Variants in RAB3GAP2 observed in about 807,000 individuals in gnomAD.
RAB3GAP2 encodes the protein RAB3 GTPase activating non-catalytic protein subunit 2.
In RAB3GAP2, 87 loss-of-function variants were observed where a neutral mutation model predicts 185.3. That is an observed-to-expected ratio of 0.47 (90% CI 0.39 to 0.56). The LOEUF (loss-of-function observed/expected upper bound fraction) is 0.56, where lower values mean the gene tolerates loss of function less well. Among genes scored for constraint, RAB3GAP2 ranks in the 20% least tolerant of loss-of-function variants. RAB3GAP2 has a pLI of 0.00. For missense variants in RAB3GAP2, 1,492 were observed against 1,638.2 expected (o/e 0.91, Z 1.54); for synonymous variants, 554 against 576.1 (o/e 0.96, Z 0.55).
chr1:220,151,328 GTAAAA>G lies in RAB3GAP2; in HGVS notation c.4100_4104del (p.Leu1367ProfsTer15), dbSNP rs775082108. On this transcript the variant is annotated frameshift_variant, in exon 35 of 35. Coordinates refer to ENST00000358951, the MANE Select transcript of RAB3GAP2 (RefSeq NM_012414.4). LOFTEE classifies it high-confidence loss of function. ...AGACCATATTGCCCATGTTTTTCTG[GTAAAA>G]GCTCAATTACTTTATTTACTAGTTT... 1.7e-5 allele frequency: 27 copies of G among 1,613,932 alleles called. No individual in the cohort carries two copies.
chr1:220,241,020 A>G (rs1659687842), intron 1 of RAB3GAP2, among the ~76,000 whole-genome samples: 2 of 152,096 alleles, frequency 1.3e-5, no homozygotes, highest in Admixed American at 1.3e-4. Context: ...CCTTCAAACC[A>G]TACAGAAAAC....
intron 2 of RAB3GAP2, among the ~76,000 whole-genome samples, chr1:220,232,532 C>T (rs968537963): frequency 6.6e-6 from 1 of 152,226 alleles, no homozygotes; most frequent in South Asian, 2.1e-4. Context: ...ACATCCAGAA[C>T]TGTGAGCCAA....
intron 21 of RAB3GAP2, among the ~76,000 whole-genome samples, chr1:220,173,574 AT>A (rs1287372819): frequency 7.2e-5 from 11 of 152,248 alleles, no homozygotes; most frequent in African/African-American, 2.4e-4. Context: ...AAAGAAGTGA[AT>A]TTATGAGGAC....
At chr1:220,170,828 T>G in intron 24 of RAB3GAP2, 64 bp downstream of exon 24, 1 of 1,345,570 alleles carries the variant, frequency 7.4e-7, no homozygotes, top group South Asian at 1.2e-5. Context: ...CCGTCATTTC[T>G]ATTAAAAGAA....
intron 2 of RAB3GAP2, among the ~76,000 whole-genome samples, chr1:220,224,280 C>T (rs1455745224): frequency 6.6e-6 from 1 of 152,098 alleles, no homozygotes; most frequent in Non-Finnish European, 1.5e-5. Flanking sequence ...GGCAGTCGGA[C>T]TCTCAATTAT....
At chr1:220,252,723 G>C (rs1029722580) in intron 1 of RAB3GAP2, among the ~76,000 whole-genome samples, 1 of 152,132 alleles carries the variant, frequency 6.6e-6, no homozygotes, top group African/African-American at 2.4e-5. Flanking sequence ...ATCTCCTCAT[G>C]AGCCCACACC....
intron 1 of RAB3GAP2, among the ~76,000 whole-genome samples, chr1:220,239,972 C>A: frequency 6.8e-6 from 1 of 146,594 alleles, no homozygotes. Flanking sequence ...AAATAAACAC[C>A]ATGCCATTTT....
rs1367990836 is a variant in RAB3GAP2, at chr1:220,232,855, T to C, written c.124A>G (p.Thr42Ala). 1.2e-6 allele frequency: 2 copies of C among 1,613,752 alleles called. No individual in the cohort carries two copies. Among genetic ancestry groups the C allele is most frequent in the East Asian group, 4.5e-5 (2 of 44,840 alleles). ...GALRRDPSKS[T>A]DWEDDGWGAW... ...CCCCAACCATCATCTTCCCAGTCTG[T>C]TGATTTACCTGTTTTTAAAAAGATG... Residue 42 changes from threonine (T) to alanine (A), a missense_variant, in exon 2 of 35, where the codon ACA (threonine) becomes GCA (alanine). Around this residue, in one of 5 missense-constraint regions of RAB3GAP2, gnomAD observed 177 missense variants for 160.6 expected, o/e 1.10. Coordinates refer to ENST00000358951, the MANE Select transcript of RAB3GAP2 (RefSeq NM_012414.4).
At chr1:220,251,479 G>A (rs1659928865) in intron 1 of RAB3GAP2, among the ~76,000 whole-genome samples, 1 of 152,198 alleles carries the variant, frequency 6.6e-6, no homozygotes. Context: ...AGCAAAAATT[G>A]TGAATAGTTA....
At chr1:220,186,289 C>A in intron 17 of RAB3GAP2, among the ~76,000 whole-genome samples, 1 of 152,086 alleles carries the variant, frequency 6.6e-6, no homozygotes, top group African/African-American at 2.4e-5. Flanking sequence ...CTCTTCATGC[C>A]TAAAGTAGCA....
chr1:220,183,048 G>C, intron 19 of RAB3GAP2, 117 bp from the exon 20 acceptor site: 2 of 758,726 alleles, frequency 2.6e-6, no homozygotes, highest in Non-Finnish European at 4.4e-6. Flanking sequence ...TACCTATCAT[G>C]TATTCTGCTT....
intron 1 of RAB3GAP2, among the ~76,000 whole-genome samples, chr1:220,250,115 C>G (rs1299255825): frequency 1.3e-5 from 2 of 152,096 alleles, no homozygotes; most frequent in Admixed American, 6.5e-5. Context: ...CAGCTTGCAC[C>G]ATGCACCGGG....
chr1:220,265,237 T>A (rs926026909), intron 1 of RAB3GAP2, among the ~76,000 whole-genome samples: 2 of 152,150 alleles, frequency 1.3e-5, no homozygotes, highest in East Asian at 3.9e-4. Flanking sequence ...AGTGATTCTA[T>A]GATTTTAGGT....
chr1:220,220,119 C>T (rs1458047279), intron 2 of RAB3GAP2, among the ~76,000 whole-genome samples: 2 of 152,210 alleles, frequency 1.3e-5, no homozygotes, highest in African/African-American at 4.8e-5. Context: ...CACCTCACTG[C>T]TTAAAGGTGC....
chr1:220,182,393 C>T, intron 20 of RAB3GAP2, 39 bp from the exon 21 acceptor site: 6 of 1,612,310 alleles, frequency 3.7e-6, no homozygotes, highest in Non-Finnish European at 5.1e-6. Context: ...TCAATGACTA[C>T]TTACCATTTG....
intron 2 of RAB3GAP2, among the ~76,000 whole-genome samples, chr1:220,232,027 C>T (rs1659511212): frequency 6.6e-6 from 1 of 152,138 alleles, no homozygotes; most frequent in Non-Finnish European, 1.5e-5. Context: ...TTTTATTACT[C>T]ATATGTGAAA....
At chr1:220,207,035 G>A (rs954845052) in intron 7 of RAB3GAP2, among the ~76,000 whole-genome samples, 7 of 152,158 alleles carry the variant, frequency 4.6e-5, no homozygotes, top group African/African-American at 1.4e-4. Context: ...CAGGAACCTT[G>A]TATGCCTGTT....
At chr1:220,208,593 T>C (rs1302725279) in intron 7 of RAB3GAP2, among the ~76,000 whole-genome samples, 2 of 152,182 alleles carry the variant, frequency 1.3e-5, no homozygotes, top group Non-Finnish European at 2.9e-5. Flanking sequence ...GCCAATGTAG[T>C]CCCCTATTCC....
chr1:220,265,982 G>C (rs1660220931), intron 1 of RAB3GAP2: 1 of 152,154 alleles, frequency 6.6e-6, no homozygotes, highest in Admixed American at 6.5e-5. Flanking sequence ...CAGACTTCAT[G>C]TCTTAAGTAG....
Sources: gnomAD v4.1 joint callset for allele counts (sites outside exome capture counted in the v4.1 genomes callset) on GRCh38, gnomAD v4.1.1 for gene constraint, gnomAD v4.1.1 regional missense constraint, MANE v1.5 for transcripts, NCBI Gene and HGNC (gene_info 2026-07-23, HGNC 2026-07-21) for gene names.